Variants in BMPR1B observed in about 807,000 individuals in gnomAD.
BMPR1B encodes the protein bone morphogenetic protein receptor type 1B.
A neutral mutation model predicts 59.1 loss-of-function variants in BMPR1B; 12 were observed. The ratio of observed to expected loss-of-function variants is 0.20; its 90% confidence interval spans 0.13 to 0.33. The LOEUF (loss-of-function observed/expected upper bound fraction) is 0.33, where lower values mean the gene tolerates loss of function less well. Ranked by LOEUF, BMPR1B falls within the 10% of genes least tolerant of loss-of-function variation. The pLI is 1.00. For synonymous variants in BMPR1B, 237 were observed against 207.3 expected, an observed-to-expected ratio of 1.14 and a Z score of -1.23; for missense variants, 550 against 610.9, an observed-to-expected ratio of 0.90 and a Z score of 1.05.
chr4:95,067,008 A>G (rs778344483), intron 3 of BMPR1B, among the ~76,000 whole-genome samples: 1 of 152,224 alleles, frequency 6.6e-6, no homozygotes, highest in Non-Finnish European at 1.5e-5. Flanking sequence ...TTATGCTACA[A>G]TATCAAGATA....
chr4:94,954,725 AATG>A (rs2149059116), intron 2 of BMPR1B, among the ~76,000 whole-genome samples: 2 of 152,244 alleles, frequency 1.3e-5, no homozygotes, highest in African/African-American at 4.8e-5. Context: ...TTCTTTTTTA[AATG>A]ATGGAGACCA....
intron 1 of BMPR1B, among the ~76,000 whole-genome samples, chr4:94,860,538 A>G (rs1337955930): frequency 1.3e-5 from 2 of 152,210 alleles, no homozygotes; most frequent in Non-Finnish European, 2.9e-5. Context: ...TGAAGGATTC[A>G]ATTTATGGAC....
chr4:94,758,326 TGC>T (rs1278621052), intron 1 of BMPR1B, among the ~76,000 whole-genome samples: 1 of 149,834 alleles, frequency 6.7e-6, no homozygotes, highest in Non-Finnish European at 1.5e-5. Context: ...CTCGGCTTTG[TGC>T]GCGGGCGGCT....
chr4:95,099,548 A>G (rs1207780552), intron 3 of BMPR1B, among the ~76,000 whole-genome samples: 2 of 152,212 alleles, frequency 1.3e-5, no homozygotes, highest in African/African-American at 4.8e-5. Flanking sequence ...GTATTTCATC[A>G]GTGCTTATAT....
chr4:94,905,043 A>C (rs1014372919), intron 2 of BMPR1B, among the ~76,000 whole-genome samples: 1 of 152,152 alleles, frequency 6.6e-6, no homozygotes. Context: ...GTTTTGGATA[A>C]ATTATTTGAA....
chr4:94,969,440 T>G (rs1357649446), intron 2 of BMPR1B, among the ~76,000 whole-genome samples: 1 of 152,196 alleles, frequency 6.6e-6, no homozygotes, highest in African/African-American at 2.4e-5. Context: ...GGCTAGTAGA[T>G]TGGACTGTTT....
intron 2 of BMPR1B, among the ~76,000 whole-genome samples, chr4:94,878,345 T>C (rs531782492): frequency 6.6e-6 from 1 of 152,356 alleles, no homozygotes; most frequent in African/African-American, 2.4e-5. Flanking sequence ...CAGTAGCATC[T>C]CATCTAAACA....
chr4:95,154,713 G>A lies in BMPR1B; in HGVS notation c.*40G>A, dbSNP rs1735288455. On this transcript the variant is annotated 3_prime_UTR_variant, in exon 13 of 13. Transcript: ENST00000515059. ...TAAGCATCTCTGCAGAAAGCCAACA[G>A]GTACTCTTCTGTTTGTGGGCAGAGC... 1 of 1,611,940 alleles carries A rather than the reference G, an allele frequency of 6.2e-7. No homozygotes were observed. Among genetic ancestry groups the A allele is most frequent in the Non-Finnish European group, 8.5e-7 (1 of 1,178,296 alleles).
chr4:94,803,189 G>A (rs1723475333), intron 1 of BMPR1B, among the ~76,000 whole-genome samples: 1 of 152,094 alleles, frequency 6.6e-6, no homozygotes, highest in Admixed American at 6.6e-5. Context: ...CTCCCATTTG[G>A]TATTGGCCTG....
Position 95,154,777 on chromosome 4 carries a change from A to T in BMPR1B, c.*104A>T. ...TAAGCATCCACAGTACAAGCCTTGA[A>T]CATCGTCCTGCTTCCCAGTGGGTTC... is the stretch of plus-strand genomic sequence containing the variant. On this transcript the variant is annotated 3_prime_UTR_variant, in exon 13 of 13. Coordinates refer to ENST00000515059, the MANE Select transcript of BMPR1B (RefSeq NM_001203.3). 1 of 1,528,368 alleles carries T rather than the reference A, an allele frequency of 6.5e-7. No homozygotes were observed. The highest frequency in any genetic ancestry group is 9.0e-7 in the Non-Finnish European group (1 of 1,109,858). 94.7% of individuals were successfully genotyped at this position (1,528,368 alleles called of 1,614,324 possible). A position where few individuals can be genotyped will look rare whatever the true frequency, so the allele number is the denominator to read the frequency against.
intron 3 of BMPR1B, among the ~76,000 whole-genome samples, chr4:95,080,955 C>A (rs1729090222): frequency 6.6e-6 from 1 of 152,120 alleles, no homozygotes; most frequent in African/African-American, 2.4e-5. Flanking sequence ...GGCTATGTCT[C>A]CACCCAAATC....
At chr4:94,948,473 C>T (rs958889086) in intron 2 of BMPR1B, among the ~76,000 whole-genome samples, 3 of 152,012 alleles carry the variant, frequency 2.0e-5, no homozygotes, top group Non-Finnish European at 4.4e-5. Context: ...AGTATTTTTG[C>T]GGGAAAACAA....
rs1158868775 is a variant in BMPR1B, at chr4:94,862,720, T to C, written c.-182-13111T>C. On this transcript the variant is annotated intron_variant, in intron 1 of 12. Transcript: ENST00000515059. ...CAGCACTTTGGCAGGCCGAGACGGGTGGATCATGAGGTCAGGAGATCGAGA... is the reference window on the plus strand; with the variant it reads ...CAGCACTTTGGCAGGCCGAGACGGGCGGATCATGAGGTCAGGAGATCGAGA... Among the ~76,000 whole-genome samples, 13 of 148,448 alleles carry C rather than the reference T, an allele frequency of 8.8e-5. No individual in the cohort carries two copies. The South Asian group carries it at 1.3e-3, about 15-fold the overall frequency.
chr4:94,814,441 G>A (rs35243477), intron 1 of BMPR1B, among the ~76,000 whole-genome samples: 14 of 152,316 alleles, frequency 9.2e-5, no homozygotes, highest in Non-Finnish European at 1.2e-4. Context: ...CATACAGTGA[G>A]TGCCAAAGAG....
chr4:94,818,290 C>CTTATAT (rs1418362699), intron 1 of BMPR1B, among the ~76,000 whole-genome samples: 3 of 152,090 alleles, frequency 2.0e-5, no homozygotes, highest in Non-Finnish European at 4.4e-5. Context: ...AAGTTTGTAT[C>CTTATAT]AGGGGCTCTA....
At chr4:95,064,084 A>G (rs188007079) in intron 3 of BMPR1B, among the ~76,000 whole-genome samples, 2 of 152,324 alleles carry the variant, frequency 1.3e-5, no homozygotes, top group Admixed American at 6.5e-5. Context: ...TATATCATTT[A>G]TAGGTATAGA....
At chr4:94,931,617 C>G (rs1729093734) in intron 2 of BMPR1B, among the ~76,000 whole-genome samples, 1 of 151,932 alleles carries the variant, frequency 6.6e-6, no homozygotes, top group Non-Finnish European at 1.5e-5. Context: ...GTTTTGTTTT[C>G]TTTTCCTTTT....
At chr4:95,073,652 A>G (rs1728486853) in intron 3 of BMPR1B, among the ~76,000 whole-genome samples, 1 of 152,178 alleles carries the variant, frequency 6.6e-6, no homozygotes, top group Admixed American at 6.6e-5. Flanking sequence ...GGAAAAAAAA[A>G]TATTTTCACA....
intron 3 of BMPR1B, among the ~76,000 whole-genome samples, chr4:95,025,043 G>T (rs1358744663): frequency 6.6e-6 from 1 of 152,172 alleles, no homozygotes; most frequent in Non-Finnish European, 1.5e-5. Flanking sequence ...GGAGGTTACA[G>T]TGAGCTGAGA....
Sources: allele counts gnomAD v4.1 joint callset (sites outside exome capture counted in the v4.1 genomes callset), GRCh38; gene constraint gnomAD v4.1.1; transcripts MANE v1.5; gene names NCBI Gene and HGNC (gene_info 2026-07-23, HGNC 2026-07-21).